Variants in PCDH9 observed in about 807,000 individuals in gnomAD.
The protein encoded by PCDH9 is protocadherin-9.
In PCDH9, 24 loss-of-function variants were observed where a neutral mutation model predicts 70.6. The ratio of observed to expected loss-of-function variants is 0.34; its 90% CI spans 0.25 to 0.48. The LOEUF (loss-of-function observed/expected upper bound fraction) is 0.48. PCDH9 is among the 20% of genes least tolerant of loss of function. The probability of loss-of-function intolerance (pLI) is 0.99; values close to 1 mark genes in which losing one functional copy is unlikely to be tolerated. For synonymous variants in PCDH9, 562 were observed against 558.5 expected, an observed-to-expected ratio of 1.01 and a Z score of -0.09; for missense variants, 1,281 against 1,503.6, an observed-to-expected ratio of 0.85 and a Z score of 2.45.
At chr13:67,170,438 T>C (rs1424731665) in intron 2 of PCDH9, among the ~76,000 whole-genome samples, 1 of 152,176 alleles carries the variant, frequency 6.6e-6, no homozygotes, top group African/African-American at 2.4e-5. Context: ...GGATTATTTC[T>C]ATATCAGATA....
chr13:66,632,197 C>A (rs2077580837), intron 3 of PCDH9, among the ~76,000 whole-genome samples: 1 of 152,086 alleles, frequency 6.6e-6, no homozygotes, highest in African/African-American at 2.4e-5. Flanking sequence ...GCCCAGCCCA[C>A]CTGCTATTTT....
At chr13:66,411,645 GGATAGATA>G (rs57986608) in intron 4 of PCDH9, among the ~76,000 whole-genome samples, 12 of 150,898 alleles carry the variant, frequency 8.0e-5, no homozygotes, top group East Asian at 1.9e-4. Context: ...TATAGATGAT[GGATAGATA>G]GATAGATAGA....
At chr13:66,449,233 G>A (rs12874658) in intron 4 of PCDH9, among the ~76,000 whole-genome samples, 4 of 152,144 alleles carry the variant, frequency 2.6e-5, no homozygotes, top group Non-Finnish European at 5.9e-5. Flanking sequence ...AAGGCCTTCA[G>A]AATGTTTCAG....
chr13:67,091,506 A>G, intron 2 of PCDH9, among the ~76,000 whole-genome samples: 1 of 152,154 alleles, frequency 6.6e-6, no homozygotes, highest in East Asian at 1.9e-4. Flanking sequence ...TGTTACATGT[A>G]GATTTTAGCT....
intron 3 of PCDH9, among the ~76,000 whole-genome samples, chr13:66,664,318 T>C (rs1593858650): frequency 1.3e-5 from 2 of 152,200 alleles, no homozygotes; most frequent in Admixed American, 6.5e-5. Context: ...CTTATAGCAA[T>C]GTCATCAGGT....
chr13:66,959,903 G>A (rs537736342), intron 2 of PCDH9, among the ~76,000 whole-genome samples: 12 of 152,190 alleles, frequency 7.9e-5, no homozygotes, highest in Admixed American at 5.2e-4. Context: ...GAGACTCTAT[G>A]TCAAAGTTTT....
chr13:66,424,080 C>T (rs1223957778), intron 4 of PCDH9, among the ~76,000 whole-genome samples: 1 of 152,014 alleles, frequency 6.6e-6, no homozygotes, highest in East Asian at 1.9e-4. Context: ...TTCACAATTG[C>T]TACAAAGGGA....
intron 4 of PCDH9, among the ~76,000 whole-genome samples, chr13:66,583,149 A>G (rs1192847116): frequency 6.7e-6 from 1 of 148,562 alleles, no homozygotes; most frequent in Non-Finnish European, 1.5e-5. Context: ...GTCATGAACT[A>G]TTTGCATAAT....
intron 4 of PCDH9, among the ~76,000 whole-genome samples, chr13:66,443,307 T>C (rs1958008219): frequency 6.6e-6 from 1 of 152,244 alleles, no homozygotes; most frequent in Admixed American, 6.5e-5. Context: ...TATGTGCTGC[T>C]GAAGTGAGCA....
chr13:67,010,886 G>C (rs1037551282), intron 2 of PCDH9, among the ~76,000 whole-genome samples: 4 of 151,962 alleles, frequency 2.6e-5, no homozygotes, highest in Non-Finnish European at 5.9e-5. Context: ...AGAAAGATTA[G>C]ATATTTAGTT....
rs190900251 is a variant in PCDH9, at chr13:67,141,934, C to T, written c.3036+83471G>A. ...TACAAAGTGTCTGTATTTTCATCGT[C>T]GGTAAGAGTCGCTTCTACACCATTT... On this transcript the variant is annotated intron_variant, in intron 2 of 4. Coordinates refer to ENST00000377865, the MANE Select transcript of PCDH9 (RefSeq NM_203487.3). 5.1e-4 allele frequency among the ~76,000 whole-genome samples: 77 copies of T among 151,912 alleles called. 1 individual carries two copies. The highest frequency in any genetic ancestry group is 1.8e-3 in the African/African-American group (73 of 41,392).
At chr13:66,846,108 C>T (rs1473563587) in intron 3 of PCDH9, among the ~76,000 whole-genome samples, 1 of 105,804 alleles carries the variant, frequency 9.5e-6, no homozygotes. Context: ...TGTAAACACA[C>T]ATAGATAATG....
intron 4 of PCDH9, among the ~76,000 whole-genome samples, chr13:66,359,141 C>T (rs1375702576): frequency 6.6e-6 from 1 of 151,950 alleles, no homozygotes; most frequent in Non-Finnish European, 1.5e-5. Context: ...ATTTCACTCA[C>T]ATAATTGACT....
At chr13:66,960,059 T>C (rs2083322214) in intron 2 of PCDH9, among the ~76,000 whole-genome samples, 1 of 152,198 alleles carries the variant, frequency 6.6e-6, no homozygotes, top group Non-Finnish European at 1.5e-5. Context: ...TCTCAGAGAA[T>C]TATCTGAAAG....
intron 3 of PCDH9, among the ~76,000 whole-genome samples, chr13:66,822,802 T>C (rs778168172): frequency 2.6e-5 from 4 of 152,080 alleles, no homozygotes; most frequent in Non-Finnish European, 4.4e-5. Flanking sequence ...GCCACTGCAC[T>C]CGGATGATAT....
chr13:67,215,960 G>T (rs2089591058), intron 2 of PCDH9: 1 of 152,058 alleles, frequency 6.6e-6, no homozygotes, highest in African/African-American at 2.4e-5. Context: ...ACCAGTATTT[G>T]GATTTACTGA....
At chr13:66,332,022 G>C (rs1955952660) in intron 4 of PCDH9, among the ~76,000 whole-genome samples, 1 of 152,096 alleles carries the variant, frequency 6.6e-6, no homozygotes, top group Non-Finnish European at 1.5e-5. Context: ...TAAAGCAAAG[G>C]AAGAGAGTGC....
chr13:66,551,089 C>T (rs1216972841), intron 4 of PCDH9, among the ~76,000 whole-genome samples: 1 of 152,032 alleles, frequency 6.6e-6, no homozygotes, highest in Non-Finnish European at 1.5e-5. Context: ...TTTAATTTCT[C>T]ATTTTCTAAG....
intron 3 of PCDH9, among the ~76,000 whole-genome samples, chr13:66,840,529 T>G (rs2081098889): frequency 6.6e-6 from 1 of 152,234 alleles, no homozygotes; most frequent in African/African-American, 2.4e-5. Flanking sequence ...TAACCCTTAC[T>G]ATATACAATC....
Sources: gnomAD v4.1 joint callset for allele counts (sites outside exome capture counted in the v4.1 genomes callset) on GRCh38, gnomAD v4.1.1 for gene constraint, MANE v1.5 for transcripts, NCBI Gene and HGNC (gene_info 2026-07-23, HGNC 2026-07-21) for gene names.